Variants in WASHC2C observed in about 807,000 individuals in gnomAD.
WASHC2C encodes WASH complex subunit 2C.
In WASHC2C, 73 loss-of-function variants were observed where a neutral mutation model predicts 142.2. The observed-to-expected ratio is 0.51, with a 90% CI of 0.43 to 0.62. The LOEUF (loss-of-function observed/expected upper bound fraction) is 0.62. Among genes scored for constraint, WASHC2C ranks in the 20% least tolerant of loss-of-function variants. The pLI is 0.00. For synonymous variants in WASHC2C, 337 were observed against 565.5 expected, an observed-to-expected ratio of 0.60 and a Z score of 5.73; for missense variants, 969 against 1,531.7, an observed-to-expected ratio of 0.63 and a Z score of 6.13.
rs1367486269 is a variant in WASHC2C at position 45,788,921 on chromosome 10, G to A, written c.3138G>A (p.Arg1046=). 4.2e-5 allele frequency: 67 copies of A among 1,612,074 alleles called. 1 individual carries two copies. The highest frequency in any genetic ancestry group is 5.5e-5 in the Non-Finnish European group (65 of 1,179,878). Residue 1046 remains arginine (R), a synonymous_variant, in exon 29 of 31, where the codon AGG becomes AGA. Coordinates refer to ENST00000623400, the MANE Select transcript of WASHC2C (RefSeq NM_001330074.2). ...GKRRPQTRAA[R]RLAAQESSEA... ...GTAGACCGCAGACCCGTGCAGCTAG[G>A]CGGCTGGCTGCTCAGGAGTCCAGCG...
intron 17 of WASHC2C, among the ~76,000 whole-genome samples, chr10:45,762,244 C>T (rs1248123604): frequency 1.3e-5 from 2 of 151,984 alleles, no homozygotes; most frequent in Non-Finnish European, 2.9e-5. Context: ...TGAAATTATA[C>T]TCTTTTTGCC....
rs1171898034 is a variant in WASHC2C at position 45,789,283 on chromosome 10, C to T, written c.3500C>T (p.Ala1167Val). Residue 1167 changes from alanine to valine, a missense_variant, in exon 29 of 31, where the codon GCA (alanine) becomes GTA (valine). Coordinates refer to ENST00000623400, the MANE Select transcript of WASHC2C (RefSeq NM_001330074.2). ...GCCAACCCACCAGTGGGTGGTAAAGCAAAGAGCCCCATGTTTCCTGCTCTA... is the reference window on the plus strand; with the variant it reads ...GCCAACCCACCAGTGGGTGGTAAAGTAAAGAGCCCCATGTTTCCTGCTCTA... ...NPANPPVGGK[A>V]KSPMFPALGE... 2.9e-5 allele frequency: 46 copies of T among 1,612,056 alleles called. No individual in the cohort carries two copies. Among genetic ancestry groups the T allele is most frequent in the Non-Finnish European group, 8.5e-6 (10 of 1,179,862 alleles).
At chr10:45,743,936 A>G (rs141660955) in intron 6 of WASHC2C, among the ~76,000 whole-genome samples, 2,092 of 150,506 alleles carry the variant, frequency 0.014, 61 homozygotes, top group African/African-American at 0.049. Context: ...TTTAGTAGAG[A>G]TGGGGTTTCA....
rs2133946972 is a variant in WASHC2C, at chr10:45,727,272, CG to C, written c.-44del. 6.5e-7 allele frequency: 1 copy of C among 1,545,914 alleles called. No individual in the cohort carries two copies. Among genetic ancestry groups the C allele is most frequent in the African/African-American group, 1.4e-5 (1 of 73,002 alleles). On this transcript the variant is annotated 5_prime_UTR_variant, in exon 1 of 31. Coordinates refer to ENST00000623400, the MANE Select transcript of WASHC2C (RefSeq NM_001330074.2). ...TAGGCTTCCGGGGCTCTGCGGTCCT[CG>C]GCCTGTGCTGGCAGCCTCGGAGCCC...
chr10:45,759,633 A>G (rs2054830027), intron 17 of WASHC2C, among the ~76,000 whole-genome samples: 1 of 152,154 alleles, frequency 6.6e-6, no homozygotes. Flanking sequence ...AGGCTGGCCA[A>G]CATGATGAAA....
chr10:45,754,116 C>T (rs1469527758), intron 13 of WASHC2C, among the ~76,000 whole-genome samples: 4 of 151,980 alleles, frequency 2.6e-5, no homozygotes, highest in East Asian at 1.9e-4. Flanking sequence ...CTTTTTCACC[C>T]GTTCATTCTC....
At chr10:45,765,890 C>G in intron 19 of WASHC2C, 80 bp downstream of exon 19, 1 of 1,584,150 alleles carries the variant, frequency 6.3e-7, no homozygotes, top group Non-Finnish European at 8.6e-7. Context: ...TCTTTTTCTA[C>G]CTGTTTTATA....
chr10:45,781,194 T>A (rs1324186054), intron 23 of WASHC2C, among the ~76,000 whole-genome samples: 4 of 152,110 alleles, frequency 2.6e-5, no homozygotes, highest in African/African-American at 9.7e-5. Context: ...AACTAAAATC[T>A]ACAAAACATT....
chr10:45,728,218 G>A (rs1376413454), intron 2 of WASHC2C, among the ~76,000 whole-genome samples: 6 of 152,034 alleles, frequency 3.9e-5, no homozygotes, highest in Non-Finnish European at 5.9e-5. Flanking sequence ...TAGTAGAGAT[G>A]GGGGTCTTGC....
rs2054056778 is a variant in WASHC2C at position 45,754,932 on chromosome 10, A to G, written c.1241-4A>G. On this transcript the variant is annotated splice_region_variant and splice_polypyrimidine_tract_variant and intron_variant, in intron 14 of 30. Coordinates refer to ENST00000623400, the MANE Select transcript of WASHC2C (RefSeq NM_001330074.2). Reference sequence around the variant, plus strand: ...CTGTGGCTGTCTTGTCCCTTCACTCACAGGAGACACGGATGTGTTTGGTGC... The same window carrying G: ...CTGTGGCTGTCTTGTCCCTTCACTCGCAGGAGACACGGATGTGTTTGGTGC... 1 of 1,611,926 alleles carries G rather than the reference A, an allele frequency of 6.2e-7. No individual in the cohort carries two copies. The highest frequency in any genetic ancestry group is 8.5e-7 in the Non-Finnish European group (1 of 1,179,844).
intron 6 of WASHC2C, among the ~76,000 whole-genome samples, chr10:45,744,202 G>C (rs2052512850): frequency 6.7e-6 from 1 of 148,872 alleles, no homozygotes; most frequent in African/African-American, 2.5e-5. Context: ...GGGATTACAG[G>C]TGCCCACCAC....
In WASHC2C at chr10:45,777,346, T is replaced by A; in HGVS notation, c.2216T>A (p.Val739Glu). 6.2e-7 allele frequency: 1 copy of A among 1,607,750 alleles called. No individual in the cohort carries two copies. Among genetic ancestry groups the A allele is most frequent in the Non-Finnish European group, 8.5e-7 (1 of 1,176,928 alleles). ...GAAGAGAAGGAGGCACAACTTGGAGTGAAGTCTGTGGATAAGAAGGTTGAG... is the reference window on the plus strand; with the variant it reads ...GAAGAGAAGGAGGCACAACTTGGAGAGAAGTCTGTGGATAAGAAGGTTGAG... ...DEEEKEAQLG[V>E]KSVDKKVESA... Residue 739 changes from valine to glutamate, a missense_variant, in exon 22 of 31, where the codon GTG becomes GAG. Physicochemically the swap from Val to Glu is moderately radical, Grantham distance 121. Coordinates refer to ENST00000623400, the MANE Select transcript of WASHC2C (RefSeq NM_001330074.2).
At chr10:45,743,016 A>G (rs1250016170) in intron 5 of WASHC2C, among the ~76,000 whole-genome samples, 1 of 151,644 alleles carries the variant, frequency 6.6e-6, no homozygotes, top group Non-Finnish European at 1.5e-5. Flanking sequence ...CTAGGATGAC[A>G]GTTACCCGCC....
At chr10:45,789,614 A>G in intron 29 of WASHC2C, 123 bp downstream of exon 29, 1 of 1,482,368 alleles carries the variant, frequency 6.7e-7, no homozygotes, top group East Asian at 2.3e-5. Context: ...TTGCTTAGTA[A>G]TTATAATTAG....
intron 28 of WASHC2C, among the ~76,000 whole-genome samples, chr10:45,788,522 A>G (rs537008296): frequency 3.9e-5 from 6 of 152,094 alleles, no homozygotes; most frequent in Admixed American, 6.5e-5. Context: ...AGGGTAGAGT[A>G]GGGGCCAAGG....
chr10:45,736,450 A>G (rs2051286147), intron 3 of WASHC2C, among the ~76,000 whole-genome samples: 1 of 148,762 alleles, frequency 6.7e-6, no homozygotes. Context: ...GCAAAAACAA[A>G]TTAGCCGGGT....
At chr10:45,780,904 C>T (rs543263250) in intron 23 of WASHC2C, among the ~76,000 whole-genome samples, 4 of 151,604 alleles carry the variant, frequency 2.6e-5, no homozygotes, top group African/African-American at 9.7e-5. Context: ...TAGGCACCCA[C>T]CACCATGCCC....
At chr10:45,728,135 C>T (rs1304338162) in intron 2 of WASHC2C, among the ~76,000 whole-genome samples, 4 of 152,160 alleles carry the variant, frequency 2.6e-5, no homozygotes, top group Admixed American at 2.6e-4. Context: ...GTGATCCTCT[C>T]ACCTCAGCGT....
intron 21 of WASHC2C, among the ~76,000 whole-genome samples, chr10:45,775,604 A>C (rs1368628205): frequency 4.6e-5 from 7 of 150,608 alleles, no homozygotes; most frequent in African/African-American, 1.7e-4. Context: ...TAAGGACCTT[A>C]GTTATATATG....
Sources: allele counts gnomAD v4.1 joint callset (sites outside exome capture counted in the v4.1 genomes callset), GRCh38; gene constraint gnomAD v4.1.1; transcripts MANE v1.5; gene names NCBI Gene and HGNC (gene_info 2026-07-23, HGNC 2026-07-21).